The following CSMD1 variants were observed in gnomAD, a reference collection of about 807,000 sequenced individuals.
CSMD1 encodes the protein CUB and sushi domain-containing protein 1.
Under a neutral mutation model 417.5 loss-of-function variants are expected in CSMD1, and 213 were observed. That is an observed-to-expected ratio of 0.51 (90% CI 0.46 to 0.57). The LOEUF (loss-of-function observed/expected upper bound fraction) is 0.57. Among genes scored for constraint, CSMD1 ranks in the 20% least tolerant of loss-of-function variants. The pLI, the probability that CSMD1 is intolerant of heterozygous loss-of-function variation, is 0.00. For missense variants in CSMD1, 6,923 were observed against 4,529.7 expected (o/e 1.53, Z -15.17); for synonymous variants, 2,862 against 1,736.8 (o/e 1.65, Z -16.11).
At chr8:4,232,346 C>G (rs1385897824) in intron 3 of CSMD1, among the ~76,000 whole-genome samples, 1 of 152,060 alleles carries the variant, frequency 6.6e-6, no homozygotes, top group African/African-American at 2.4e-5. Flanking sequence ...TTACAGGCAC[C>G]CGCCATTAAG....
At chr8:3,616,596 T>C in intron 8 of CSMD1, 114 bp downstream of exon 8, 1 of 679,264 alleles carries the variant, frequency 1.5e-6, no homozygotes, top group Admixed American at 2.6e-5. Context: ...AGTTAATGAT[T>C]AAGAAGTTTT....
rs775696952 is a variant in CSMD1 at position 3,822,536 on chromosome 8, C to G, written c.819-68494G>C. On this transcript the variant is annotated intron_variant, in intron 5 of 69. Transcript: ENST00000635120. ...ACAGCAAAGTTAATTAATGTCTTCCCCGACAGGCAATTCTTTGCTTCCGCC... is the reference window on the plus strand; with the variant it reads ...ACAGCAAAGTTAATTAATGTCTTCCGCGACAGGCAATTCTTTGCTTCCGCC... Among the ~76,000 whole-genome samples, 52 of 152,186 alleles carry G rather than the reference C, an allele frequency of 3.4e-4. 1 individual carries two copies. Among genetic ancestry groups the G allele is most frequent in the Non-Finnish European group, 2.9e-4 (20 of 68,044 alleles).
intron 12 of CSMD1, among the ~76,000 whole-genome samples, chr8:3,430,981 T>C (rs1258291095): frequency 1.3e-5 from 2 of 152,180 alleles, no homozygotes; most frequent in East Asian, 1.9e-4. Flanking sequence ...CTCACTGCAT[T>C]GTCTGAGCCC....
In CSMD1 at chr8:4,463,572, T is replaced by C. The variant is rs187162576; in HGVS notation, c.303-43507A>G. Among the ~76,000 whole-genome samples, 8 of 152,142 alleles carry C rather than the reference T, an allele frequency of 5.3e-5. 1 individual carries two copies. Among genetic ancestry groups the C allele is most frequent in the African/African-American group, 1.9e-4 (8 of 41,488 alleles). The stretch of plus-strand genomic sequence containing the variant: ...CATCATATTAAATAGGATCCAGAAA[T>C]ACAGAAGAAGTGAACTGCCGATTTA... On this transcript the variant is annotated intron_variant, in intron 2 of 69. Transcript: ENST00000635120.
At chr8:2,941,624 C>T (rs890240236) in intron 69 of CSMD1, among the ~76,000 whole-genome samples, 10 of 152,232 alleles carry the variant, frequency 6.6e-5, no homozygotes, top group African/African-American at 2.4e-4. Context: ...AGGAAAGGAT[C>T]TGGTTCACTA....
intron 10 of CSMD1, among the ~76,000 whole-genome samples, chr8:3,511,182 A>G (rs1797050993): frequency 6.6e-6 from 1 of 151,744 alleles, no homozygotes; most frequent in Admixed American, 6.6e-5. Flanking sequence ...TTGAACAATG[A>G]GGACACAAGG....
intron 5 of CSMD1, among the ~76,000 whole-genome samples, chr8:3,908,776 T>G (rs1808272559): frequency 1.3e-5 from 2 of 152,182 alleles, no homozygotes; most frequent in South Asian, 4.1e-4. Context: ...TTACAGGCAT[T>G]AGGGGCAATT....
At position 3,166,526 on chromosome 8, in the gene CSMD1, T is replaced by A. The variant is rs997326274; in HGVS notation, c.5726-4249A>T. Among the ~76,000 whole-genome samples the A allele has an allele frequency of 5.9e-5, 9 of 152,194 alleles. No individual in the cohort carries two copies. In the East Asian group the frequency reaches 1.5e-3, roughly 26 times the overall value. ...TCCAGCCTGGGCAACAGAGCGAGAC[T>A]CCATCTCAAAAAAATAAAATAAAAA... is the stretch of plus-strand genomic sequence containing the variant. On this transcript the variant is annotated intron_variant, in intron 37 of 69. Transcript: ENST00000635120.
At chr8:4,034,777 T>C (rs909914381) in intron 3 of CSMD1, among the ~76,000 whole-genome samples, 4 of 152,322 alleles carry the variant, frequency 2.6e-5, no homozygotes, top group African/African-American at 7.2e-5. Context: ...AGGGTCATTA[T>C]TATTAACTGC....
At chr8:3,472,102 T>A (rs995445577) in intron 11 of CSMD1, among the ~76,000 whole-genome samples, 1 of 152,130 alleles carries the variant, frequency 6.6e-6, no homozygotes, top group Non-Finnish European at 1.5e-5. Flanking sequence ...CCTGGCTTGT[T>A]GTCATTGCTC....
rs74932228 is a variant in CSMD1, at chr8:4,088,620, C to G, written c.416-56521G>C. Among the ~76,000 whole-genome samples the G allele has an allele frequency of 2.6e-4, 40 of 152,236 alleles. 2 individuals carry two copies. The East Asian group carries it at 7.7e-3, about 29-fold the overall frequency. On this transcript the variant is annotated intron_variant, in intron 3 of 69. Transcript: ENST00000635120. ...TATTCTCTCTCTCTCCCCTTCCCAC[C>G]CAACCAGGTTGAGAGTAAAGCCCAA...
At chr8:3,853,143 G>A (rs1041459818) in intron 5 of CSMD1, among the ~76,000 whole-genome samples, 1 of 152,096 alleles carries the variant, frequency 6.6e-6, no homozygotes, top group Non-Finnish European at 1.5e-5. Context: ...GGCTGAGCCC[G>A]CGTCCCTTGG....
intron 7 of CSMD1, among the ~76,000 whole-genome samples, chr8:3,683,197 T>C (rs181770622): frequency 8.5e-4 from 129 of 151,356 alleles, no homozygotes; most frequent in Middle Eastern, 3.5e-3. Flanking sequence ...TAATAAGAAA[T>C]ATACATATAA....
intron 17 of CSMD1, among the ~76,000 whole-genome samples, chr8:3,390,188 C>G (rs1428835671): frequency 6.6e-6 from 1 of 151,694 alleles, no homozygotes; most frequent in Non-Finnish European, 1.5e-5. Flanking sequence ...AAACCTGTCT[C>G]TGCTAAAAAT....
At chr8:4,063,183 T>C (rs1367560491) in intron 3 of CSMD1, among the ~76,000 whole-genome samples, 1 of 152,160 alleles carries the variant, frequency 6.6e-6, no homozygotes. Context: ...CAGTAATGGA[T>C]ATCATAATTA....
At chr8:4,856,924 A>C (rs917922724) in intron 1 of CSMD1, among the ~76,000 whole-genome samples, 2 of 152,096 alleles carry the variant, frequency 1.3e-5, no homozygotes, top group African/African-American at 2.4e-5. Context: ...ACCTAATAGA[A>C]ATCTACAGAA....
At chr8:3,643,700 C>CAAAAAAAAAAAAAATAAAA (rs1797429372) in intron 7 of CSMD1, among the ~76,000 whole-genome samples, 1 of 85,354 alleles carries the variant, frequency 1.2e-5, no homozygotes, top group African/African-American at 4.9e-5. Flanking sequence ...GACTCCGTCT[C>CAAAAAAAAAAAAAATAAAA]AAAAAAAAAA....
intron 18 of CSMD1, among the ~76,000 whole-genome samples, chr8:3,371,526 CTTCTT>C (rs1290027523): frequency 6.6e-6 from 1 of 150,810 alleles, no homozygotes; most frequent in Non-Finnish European, 1.5e-5. Context: ...TATATTTATA[CTTCTT>C]TTCTTAAACT....
intron 2 of CSMD1, among the ~76,000 whole-genome samples, chr8:4,543,575 C>T (rs926965165): frequency 1.4e-5 from 2 of 142,982 alleles, no homozygotes; most frequent in Admixed American, 7.4e-5. Context: ...TGACTATAAA[C>T]GTTCATGCAC....
Sources: allele counts gnomAD v4.1 joint callset (sites outside exome capture counted in the v4.1 genomes callset), GRCh38; gene constraint gnomAD v4.1.1; transcripts MANE v1.5; gene names NCBI Gene and HGNC (gene_info 2026-07-23, HGNC 2026-07-21).